Variants in ADAM10 observed in about 807,000 individuals in gnomAD.
ADAM10 encodes ADAM metallopeptidase domain 10.
ADAM10 carries 17 observed loss-of-function variants against 90.1 expected under a neutral mutation model. The ratio of observed to expected loss-of-function variants is 0.19; its 90% CI spans 0.13 to 0.28. ADAM10 has a LOEUF of 0.28. Among genes scored for constraint, ADAM10 ranks in the 10% least tolerant of loss-of-function variants. The pLI, the probability that ADAM10 is intolerant of heterozygous loss-of-function variation, is 1.00. For missense variants in ADAM10, 610 were observed against 914.3 expected (o/e 0.67, Z 4.29); for synonymous variants, 310 against 298.6 (o/e 1.04, Z -0.40).
At chr15:58,666,305 A>T (rs1897082101) in intron 4 of ADAM10, among the ~76,000 whole-genome samples, 1 of 150,690 alleles carries the variant, frequency 6.6e-6, no homozygotes, top group Non-Finnish European at 1.5e-5. Flanking sequence ...GTGGTGTCTT[A>T]CTTACTTCAG....
intron 1 of ADAM10, chr15:58,749,152 G>A (rs568072373): frequency 1.5e-5 from 6 of 399,256 alleles, no homozygotes; most frequent in African/African-American, 1.0e-4. Context: ...GCAGCCACCA[G>A]CCTGGGTTCC....
At chr15:58,717,545 C>T in intron 2 of ADAM10, 32 bp downstream of exon 2, 1 of 1,613,230 alleles carries the variant, frequency 6.2e-7, no homozygotes, top group African/African-American at 1.3e-5. Flanking sequence ...TATAGAGGAA[C>T]TTCAGACACA....
chr15:58,739,520 AAAAT>A (rs1192854074), intron 1 of ADAM10, among the ~76,000 whole-genome samples: 4 of 151,804 alleles, frequency 2.6e-5, no homozygotes, highest in African/African-American at 2.4e-5. Flanking sequence ...CCGTCTCAAA[AAAAT>A]AAATAAATAA....
At chr15:58,729,435 C>A (rs1202381289) in intron 1 of ADAM10, among the ~76,000 whole-genome samples, 3 of 152,154 alleles carry the variant, frequency 2.0e-5, no homozygotes, top group African/African-American at 7.2e-5. Context: ...AAAGTGTTAG[C>A]AATGCAGAAT....
chr15:58,597,929 A>G (rs1217304765), intron 15 of ADAM10, among the ~76,000 whole-genome samples: 1 of 152,174 alleles, frequency 6.6e-6, no homozygotes, highest in Non-Finnish European at 1.5e-5. Context: ...TTTTTATACT[A>G]AATCTTCAAA....
intron 2 of ADAM10, among the ~76,000 whole-genome samples, chr15:58,711,451 C>A (rs1220675018): frequency 6.6e-6 from 1 of 152,154 alleles, no homozygotes; most frequent in Non-Finnish European, 1.5e-5. Flanking sequence ...CAGAAGAAAT[C>A]TCTAGATTTC....
intron 1 of ADAM10, among the ~76,000 whole-genome samples, chr15:58,728,675 T>C (rs775495147): frequency 6.6e-6 from 1 of 152,170 alleles, no homozygotes; most frequent in Non-Finnish European, 1.5e-5. Context: ...ATATAAAATT[T>C]ATAAAGTTAC....
At chr15:58,662,916 T>A (rs1023752909) in intron 5 of ADAM10, among the ~76,000 whole-genome samples, 9 of 152,226 alleles carry the variant, frequency 5.9e-5, no homozygotes, top group Non-Finnish European at 8.8e-5. Context: ...TGTGTTTTTA[T>A]CCTTCTTGAG....
At chr15:58,611,614 T>C in intron 12 of ADAM10, 194 bp downstream of exon 12, 1 of 583,296 alleles carries the variant, frequency 1.7e-6, no homozygotes, top group East Asian at 2.9e-5. Flanking sequence ...ATCAACCACA[T>C]GTACATGGAA....
At chr15:58,697,535 A>T (rs1156859120) in intron 2 of ADAM10, among the ~76,000 whole-genome samples, 3 of 152,060 alleles carry the variant, frequency 2.0e-5, no homozygotes, top group Admixed American at 1.3e-4. Context: ...ATTACATACC[A>T]CAGCTGGTCC....
intron 4 of ADAM10, among the ~76,000 whole-genome samples, chr15:58,674,947 T>C (rs1897278015): frequency 2.0e-5 from 3 of 152,228 alleles, no homozygotes; most frequent in Admixed American, 2.0e-4. Context: ...CCCAACACTT[T>C]GGGAGGCCGA....
chr15:58,680,151 C>A (rs1897389962), intron 3 of ADAM10, among the ~76,000 whole-genome samples: 1 of 152,110 alleles, frequency 6.6e-6, no homozygotes, highest in African/African-American at 2.4e-5. Flanking sequence ...GAGACAAGGT[C>A]TTGCTCTGTC....
chr15:58,643,425 T>C (rs1896467072), intron 7 of ADAM10, among the ~76,000 whole-genome samples: 1 of 152,172 alleles, frequency 6.6e-6, no homozygotes, highest in Non-Finnish European at 1.5e-5. Context: ...AAGAAGATTA[T>C]AGTACTAAGG....
chr15:58,749,031 C>A (rs1246054763), intron 1 of ADAM10: 5 of 399,158 alleles, frequency 1.3e-5, no homozygotes, highest in East Asian at 1.1e-4. Flanking sequence ...CGCCACCGGG[C>A]AGGGGCTGGG....
intron 1 of ADAM10, among the ~76,000 whole-genome samples, chr15:58,744,246 G>A (rs1017719948): frequency 2.6e-5 from 4 of 151,956 alleles, no homozygotes; most frequent in Non-Finnish European, 4.4e-5. Context: ...GAAAGGTGAG[G>A]GGTAGGGGTG....
chr15:58,693,077 G>T, intron 2 of ADAM10: 1 of 747,262 alleles, frequency 1.3e-6, no homozygotes, highest in South Asian at 1.3e-5. Flanking sequence ...ATCAACTCCT[G>T]AAGGAAAATC....
In ADAM10 at chr15:58,680,591, T is replaced by C. The variant is rs192175184; in HGVS notation, c.326-1309A>G. On this transcript the variant is annotated intron_variant, in intron 3 of 15. Coordinates refer to ENST00000260408, the MANE Select transcript of ADAM10 (RefSeq NM_001110.4). ...TAGGAAAAAAGGTACTTTTGGTTCT[T>C]AATATAATCACAACGAAAAGGTGAG... Among the ~76,000 whole-genome samples, 43 of 152,286 alleles carry C rather than the reference T, an allele frequency of 2.8e-4. No individual in the cohort carries two copies. The East Asian group carries it at 7.9e-3, about 28-fold the overall frequency.
intron 14 of ADAM10, among the ~76,000 whole-genome samples, chr15:58,600,545 G>A (rs1895080466): frequency 6.6e-6 from 1 of 151,940 alleles, no homozygotes; most frequent in Non-Finnish European, 1.5e-5. Context: ...TTTTAAATAT[G>A]AAAAGTGGAA....
chr15:58,691,729 G>A (rs1236169115), intron 2 of ADAM10: 18 of 341,880 alleles, frequency 5.3e-5, no homozygotes, highest in Non-Finnish European at 7.7e-5. Flanking sequence ...TGTCGCCCAG[G>A]CTTAGTGCAG....
Sources: allele counts gnomAD v4.1 joint callset (sites outside exome capture counted in the v4.1 genomes callset), GRCh38; gene constraint gnomAD v4.1.1; transcripts MANE v1.5; gene names NCBI Gene and HGNC (gene_info 2026-07-23, HGNC 2026-07-21).